The following C9orf85 variants were observed in gnomAD, a reference collection of about 807,000 sequenced individuals.
C9orf85 encodes the protein chromosome 9 open reading frame 85.
In C9orf85, 16 loss-of-function variants were observed where a neutral mutation model predicts 14.9. The observed-to-expected ratio is 1.08, with a 90% CI of 0.73 to 1.63. The LOEUF is 1.63. C9orf85 is among the 40% of genes most tolerant of loss of function. C9orf85 has a pLI of 0.00. For synonymous variants in C9orf85, 45 were observed against 56.8 expected (o/e 0.79, Z 0.93); for missense variants, 172 against 186.1 (o/e 0.92, Z 0.44).
rs113960250 is a variant in C9orf85, at chr9:71,963,992, G to A, written c.210-7513G>A. Among the ~76,000 whole-genome samples, 637 of 152,316 alleles carry A rather than the reference G, an allele frequency of 4.2e-3. 5 individuals carry two copies. The highest frequency in any genetic ancestry group is 0.014 in the Middle Eastern group (4 of 294). On this transcript the variant is annotated intron_variant, in intron 2 of 3. Coordinates refer to ENST00000334731, the MANE Select transcript of C9orf85 (RefSeq NM_182505.5). ...GAGTGGGATCCACGGGGTGAAGCCA[G>A]CTGGGCTCCTGAGTCTGGTGGGGAC...
intron 2 of C9orf85, among the ~76,000 whole-genome samples, chr9:71,954,060 C>T (rs1354040570): frequency 2.0e-5 from 3 of 148,736 alleles, no homozygotes; most frequent in African/African-American, 7.5e-5. Flanking sequence ...CAGCAGTGAG[C>T]TGTGATCACA....
chr9:71,946,991 CTGTT>C lies in C9orf85; in HGVS notation c.103-9_103-6del. On this transcript the variant is annotated splice_polypyrimidine_tract_variant and intron_variant, in intron 1 of 3. Coordinates refer to ENST00000334731, the MANE Select transcript of C9orf85 (RefSeq NM_182505.5). ...CGCGTGAAATTCTCAATTTGTCTTTCTGTTTGTTTTTAAGAAAATTAATGCAAAA... is the reference window on the plus strand; with the variant it reads ...CGCGTGAAATTCTCAATTTGTCTTTCTGTTTTTAAGAAAATTAATGCAAAA... The C allele has an allele frequency of 6.3e-7, 1 of 1,583,080 alleles. No homozygotes were observed. Among genetic ancestry groups the C allele is most frequent in the Non-Finnish European group, 8.7e-7 (1 of 1,154,808 alleles).
chr9:71,973,120 G>A lies in C9orf85; in HGVS notation c.*278G>A. 5.8e-6 allele frequency: 1 copy of A among 172,038 alleles called. No homozygotes were observed. The highest frequency in any genetic ancestry group is 1.4e-4 in the East Asian group (1 of 7,276). 10.7% of individuals were successfully genotyped at this position (172,038 alleles called of 1,614,324 possible). A position where few individuals can be genotyped will look rare whatever the true frequency, so the allele number is the denominator to read the frequency against. ...AGTTCGTGCCATTACACTCCAGCCT[G>A]GGTGACAGAGTGAGACTCTGTCTCA... On this transcript the variant is annotated 3_prime_UTR_variant, in exon 4 of 4. Transcript: ENST00000334731.
At chr9:71,915,112 G>A (rs1356795248) in intron 1 of C9orf85, among the ~76,000 whole-genome samples, 1 of 151,922 alleles carries the variant, frequency 6.6e-6, no homozygotes. Flanking sequence ...ATGATACTGG[G>A]TTAGTACTAT....
chr9:71,952,598 C>T (rs1169853085), intron 2 of C9orf85, among the ~76,000 whole-genome samples: 2 of 152,110 alleles, frequency 1.3e-5, no homozygotes, highest in African/African-American at 4.8e-5. Flanking sequence ...CTCGTGACCT[C>T]GTGATCCGCC....
rs996897636 is a variant in C9orf85 at position 71,958,684 on chromosome 9, G to A, written c.209+11572G>A. On this transcript the variant is annotated intron_variant, in intron 2 of 3. Transcript: ENST00000334731. ...TCTTAAGTAGGGAAAATTGGTATCC[G>A]TATAGAATCTCCATTAATGCAGTCA... Among the ~76,000 whole-genome samples the A allele has an allele frequency of 1.3e-4, 20 of 152,126 alleles. No individual in the cohort carries two copies. The East Asian group carries it at 1.9e-3, about 15-fold the overall frequency.
At chr9:71,920,490 A>C (rs1413396304) in intron 1 of C9orf85, among the ~76,000 whole-genome samples, 2 of 152,202 alleles carry the variant, frequency 1.3e-5, no homozygotes, top group East Asian at 3.8e-4. Flanking sequence ...CAAATGGGCC[A>C]TTTTCCTTTT....
intron 1 of C9orf85, among the ~76,000 whole-genome samples, chr9:71,925,552 G>T (rs1314441895): frequency 1.3e-5 from 2 of 152,166 alleles, no homozygotes; most frequent in African/African-American, 4.8e-5. Flanking sequence ...ACAAAGACAG[G>T]TCCCTTCTCT....
intron 2 of C9orf85, among the ~76,000 whole-genome samples, chr9:71,964,858 G>A (rs557162183): frequency 6.6e-6 from 1 of 152,304 alleles, no homozygotes; most frequent in South Asian, 2.1e-4. Context: ...GAAGAGAACT[G>A]TGGAACCCAG....
downstream of C9orf85, chr9:71,983,595 G>GC (rs1290684303): frequency 6.6e-6 from 1 of 152,212 alleles, no homozygotes; most frequent in African/African-American, 2.4e-5. Flanking sequence ...TCTATCTGCT[G>GC]CCACGCCTGG....
intron 3 of C9orf85, among the ~76,000 whole-genome samples, chr9:71,982,097 T>C (rs569115562): frequency 2.4e-4 from 36 of 152,228 alleles, no homozygotes; most frequent in Non-Finnish European, 4.7e-4. Flanking sequence ...ATCTTTTGTG[T>C]GTCCATAAAA....
chr9:71,962,965 A>G (rs920573513), intron 2 of C9orf85, among the ~76,000 whole-genome samples: 1 of 152,090 alleles, frequency 6.6e-6, no homozygotes, highest in African/African-American at 2.4e-5. Context: ...CTGAGGCACG[A>G]TAATCACTTG....
chr9:71,979,362 ATAG>A (rs1823057511), intron 3 of C9orf85, among the ~76,000 whole-genome samples: 1 of 152,254 alleles, frequency 6.6e-6, no homozygotes. Context: ...AACACTTATC[ATAG>A]TAGGGACTCT....
At chr9:71,951,236 T>C (rs1206965445) in intron 2 of C9orf85, among the ~76,000 whole-genome samples, 2 of 152,140 alleles carry the variant, frequency 1.3e-5, no homozygotes, top group Non-Finnish European at 2.9e-5. Flanking sequence ...ATGTCCTAAC[T>C]TAAGTTGGAA....
chr9:71,921,572 TC>T (rs983895478), intron 1 of C9orf85, among the ~76,000 whole-genome samples: 2 of 152,214 alleles, frequency 1.3e-5, no homozygotes, highest in African/African-American at 4.8e-5. Flanking sequence ...GCCTGTAACT[TC>T]TGTCTTCCTA....
At chr9:71,912,108 C>T (rs969307700) in intron 1 of C9orf85, 1 of 453,154 alleles carries the variant, frequency 2.2e-6, no homozygotes, top group Non-Finnish European at 4.2e-6. Flanking sequence ...GCAGATGGGG[C>T]AGTTACGTCG....
Position 71,934,111 on chromosome 9 carries a change from A to G in C9orf85, c.103-12895A>G, listed in dbSNP as rs542000280. ...GTAATCCCAGCACTTTGAGGGGCCA[A>G]GGTGGGCAGATCACTTGAGGTCAGG... On this transcript the variant is annotated intron_variant, in intron 1 of 3. Transcript: ENST00000334731. Among the ~76,000 whole-genome samples the G allele has an allele frequency of 3.9e-5, 6 of 152,324 alleles. No homozygotes were observed. The South Asian group carries it at 1.2e-3, about 32-fold the overall frequency.
At chr9:71,967,713 CTTTTTT>C (rs55750667) in intron 2 of C9orf85, among the ~76,000 whole-genome samples, 5 of 94,114 alleles carry the variant, frequency 5.3e-5, no homozygotes, top group Non-Finnish European at 1.0e-4. Flanking sequence ...TATGACCTTT[CTTTTTT>C]TTTTTTTTTT....
At chr9:71,953,980 G>T (rs1822311379) in intron 2 of C9orf85, among the ~76,000 whole-genome samples, 1 of 152,004 alleles carries the variant, frequency 6.6e-6, no homozygotes, top group Non-Finnish European at 1.5e-5. Context: ...CGCACCTGTG[G>T]TCCTAGCTGC....
Sources: allele counts gnomAD v4.1 joint callset (sites outside exome capture counted in the v4.1 genomes callset), GRCh38; gene constraint gnomAD v4.1.1; transcripts MANE v1.5; gene names NCBI Gene and HGNC (gene_info 2026-07-23, HGNC 2026-07-21).